CD200R1L: variants seen among roughly 807,000 people sequenced by gnomAD.
CD200R1L encodes the protein CD200 receptor 1 like.
In CD200R1L, 14 loss-of-function variants were observed where a neutral mutation model predicts 24.8. The observed-to-expected ratio is 0.56, with a 90% CI of 0.37 to 0.88. CD200R1L has a LOEUF of 0.88. CD200R1L is among the 40% of genes least tolerant of loss of function. CD200R1L has a pLI of 0.00. For missense variants in CD200R1L, 299 were observed against 297.8 expected (o/e 1.00, Z -0.03); for synonymous variants, 111 against 109.2 (o/e 1.02, Z -0.11).
intron 3 of CD200R1L, among the ~76,000 whole-genome samples, chr3:112,830,013 G>A (rs79482590): frequency 0.035 from 5,345 of 152,198 alleles, 115 homozygotes; most frequent in South Asian, 0.059. Flanking sequence ...ATCCCCCTGC[G>A]GGGTCCAGGA....
chr3:112,842,724 C>T (rs1939110662), intron 2 of CD200R1L, among the ~76,000 whole-genome samples: 1 of 152,164 alleles, frequency 6.6e-6, no homozygotes, highest in African/African-American at 2.4e-5. Context: ...CTATAAACGG[C>T]TGCTCCGGGA....
chr3:112,827,441 T>G lies in CD200R1L; in HGVS notation c.293A>C (p.His98Pro), dbSNP rs1453190107. ...CACTATGCCTCTGTAATACCCGTCA[T>G]GAGTGGTGTCCACCGGACGAATCTG... is the stretch of plus-strand genomic sequence containing the variant. ...DLQIRPVDTT[H>P]DGYYRGIVVT... Residue 98 changes from histidine (H) to proline (P), a missense_variant, in exon 5 of 8, where the codon CAT (histidine) becomes CCT (proline). By Grantham distance (77) the His-to-Pro change is moderately conservative. Transcript: ENST00000488794. 6.2e-7 allele frequency: 1 copy of G among 1,614,200 alleles called. No individual in the cohort carries two copies. The highest frequency in any genetic ancestry group is 8.5e-7 in the Non-Finnish European group (1 of 1,180,014).
chr3:112,822,050 G>A (rs1938549616), intron 6 of CD200R1L, among the ~76,000 whole-genome samples: 1 of 152,182 alleles, frequency 6.6e-6, no homozygotes, highest in Non-Finnish European at 1.5e-5. Flanking sequence ...GCAGTGACTT[G>A]TATGTGTCAG....
At chr3:112,828,915 A>G (rs1938731100) in intron 4 of CD200R1L, among the ~76,000 whole-genome samples, 2 of 152,130 alleles carry the variant, frequency 1.3e-5, no homozygotes, top group African/African-American at 2.4e-5. Flanking sequence ...CTTTATGTGG[A>G]TGAAGTTTGT....
Position 112,827,666 on chromosome 3 carries a change from A to G in CD200R1L, c.68T>C (p.Val23Ala). Residue 23 changes from valine (V) to alanine (A), a missense_variant, in exon 5 of 8, where the codon GTA becomes GCA. Physicochemically the swap from Val to Ala is moderately conservative, Grantham distance 64. Coordinates refer to ENST00000488794, the MANE Select transcript of CD200R1L (RefSeq NM_001199215.3). ...AAGCACAGCATTTATATCCATCAGT[A>G]CAGGCTGTGAAATGTTACCTGGACA... ...IFAEGNISQPVLMDINAVLCC... is the reference protein window; with the variant it reads ...IFAEGNISQPALMDINAVLCC... The G allele has an allele frequency of 6.2e-7, 1 of 1,613,294 alleles. No individual in the cohort carries two copies. Among genetic ancestry groups the G allele is most frequent in the Non-Finnish European group, 8.5e-7 (1 of 1,179,640 alleles).
At chr3:112,821,026 C>A (rs1938523338) in intron 6 of CD200R1L, among the ~76,000 whole-genome samples, 1 of 148,748 alleles carries the variant, frequency 6.7e-6, no homozygotes. Flanking sequence ...CACTGCACTC[C>A]AGCCTGGGTG....
chr3:112,827,255 A>G lies in CD200R1L; in HGVS notation c.368-14T>C. On this transcript the variant is annotated splice_polypyrimidine_tract_variant and intron_variant, in intron 5 of 7. Coordinates refer to ENST00000488794, the MANE Select transcript of CD200R1L (RefSeq NM_001199215.3). The stretch of plus-strand genomic sequence containing the variant: ...CTTCGGGTGTAACTGCAGAGAGGAA[A>G]GAGGGAAAAAAATGCTTCAGTTTTC... The G allele has an allele frequency of 6.3e-7, 1 of 1,598,092 alleles. No homozygotes were observed. Among genetic ancestry groups the G allele is most frequent in the Non-Finnish European group, 8.5e-7 (1 of 1,171,968 alleles).
At chr3:112,827,768 G>T in intron 4 of CD200R1L, 84 bp from the exon 5 acceptor site, 1 of 1,295,930 alleles carries the variant, frequency 7.7e-7, no homozygotes, top group Non-Finnish European at 1.1e-6. Context: ...TATATTACAT[G>T]AAGTTTTATT....
Position 112,845,783 on chromosome 3 carries a change from C to A in CD200R1L, c.-191G>T, listed in dbSNP as rs1294732033. 9.5e-6 allele frequency: 13 copies of A among 1,369,560 alleles called. No homozygotes were observed. The highest frequency in any genetic ancestry group is 1.4e-5 in the Non-Finnish European group (13 of 962,150). The allele number at this position is 1,369,560 out of a possible 1,614,324, so 84.8% of individuals were successfully genotyped here. A position where few individuals can be genotyped will look rare whatever the true frequency, so the allele number is the denominator to read the frequency against. On this transcript the variant is annotated 5_prime_UTR_variant, in exon 2 of 8. Coordinates refer to ENST00000488794, the MANE Select transcript of CD200R1L (RefSeq NM_001199215.3). ...ACTTAAACATAAATCCACTTTAAATCAATCAACAGACTTGGTGAATCTGTT... is the reference window on the plus strand; with the variant it reads ...ACTTAAACATAAATCCACTTTAAATAAATCAACAGACTTGGTGAATCTGTT...
chr3:112,842,089 A>G (rs1047118191), intron 2 of CD200R1L, among the ~76,000 whole-genome samples: 4 of 152,222 alleles, frequency 2.6e-5, no homozygotes, highest in Admixed American at 2.6e-4. Flanking sequence ...ATCTAGACAC[A>G]GAAGGCTTGG....
chr3:112,838,051 ACTTTT>A (rs1284238938), intron 2 of CD200R1L, 41 bp from the exon 3 acceptor site: 2 of 878,960 alleles, frequency 2.3e-6, no homozygotes, highest in South Asian at 3.1e-5. Flanking sequence ...AAAATTAAGA[ACTTTT>A]CTTTACTGAA....
intron 6 of CD200R1L, among the ~76,000 whole-genome samples, chr3:112,824,253 A>T (rs1938607812): frequency 6.6e-6 from 1 of 152,232 alleles, no homozygotes; most frequent in Non-Finnish European, 1.5e-5. Flanking sequence ...AATATGGGGA[A>T]TAAGAAAGAG....
At chr3:112,821,115 G>C (rs770885833) in intron 6 of CD200R1L, among the ~76,000 whole-genome samples, 1 of 151,050 alleles carries the variant, frequency 6.6e-6, no homozygotes, top group African/African-American at 2.4e-5. Flanking sequence ...CCTAAAGAAT[G>C]TGTGAACTCT....
intron 2 of CD200R1L, among the ~76,000 whole-genome samples, chr3:112,839,936 G>C (rs1939041365): frequency 1.3e-5 from 2 of 152,128 alleles, no homozygotes; most frequent in African/African-American, 4.8e-5. Context: ...CTTATAACTA[G>C]ACTTGAGTCC....
chr3:112,818,425 G>A (rs1363930860), intron 7 of CD200R1L, among the ~76,000 whole-genome samples: 1 of 152,206 alleles, frequency 6.6e-6, no homozygotes, highest in African/African-American at 2.4e-5. Flanking sequence ...CCTTAGTTGA[G>A]ATCAACTTAC....
intron 2 of CD200R1L, among the ~76,000 whole-genome samples, chr3:112,839,122 G>A (rs181539070): frequency 3.9e-3 from 600 of 152,050 alleles, no homozygotes; most frequent in Non-Finnish European, 6.8e-3. Context: ...TACTCATTAC[G>A]TTTCTCTGGT....
intron 3 of CD200R1L, among the ~76,000 whole-genome samples, chr3:112,836,980 A>G (rs1443807646): frequency 6.6e-6 from 1 of 152,202 alleles, no homozygotes; most frequent in Non-Finnish European, 1.5e-5. Flanking sequence ...TAAAGGCTTA[A>G]AGTGATGTAA....
intron 3 of CD200R1L, among the ~76,000 whole-genome samples, chr3:112,834,994 T>C (rs1938898165): frequency 6.6e-6 from 1 of 152,180 alleles, no homozygotes; most frequent in South Asian, 2.1e-4. Flanking sequence ...AGGTCTGGGC[T>C]CCCCAAAGAG....
rs191958182 is a variant in CD200R1L, at chr3:112,836,198, G to A, written c.-18+1744C>T. 9.7e-4 allele frequency among the ~76,000 whole-genome samples: 147 copies of A among 152,288 alleles called. 2 individuals carry two copies. The highest frequency in any genetic ancestry group is 4.4e-3 in the East Asian group (23 of 5,178). On this transcript the variant is annotated intron_variant, in intron 3 of 7. Transcript: ENST00000488794. ...TGGGGGTAGTGCGGTCAGCTGCCTCGCAGACACGGAGCACAGAGGTCCCAT... is the reference window on the plus strand; with the variant it reads ...TGGGGGTAGTGCGGTCAGCTGCCTCACAGACACGGAGCACAGAGGTCCCAT...
Sources: allele counts gnomAD v4.1 joint callset (sites outside exome capture counted in the v4.1 genomes callset), GRCh38; gene constraint gnomAD v4.1.1; transcripts MANE v1.5; gene names NCBI Gene and HGNC (gene_info 2026-07-23, HGNC 2026-07-21).